DLG2: variants seen among roughly 807,000 people sequenced by gnomAD.
The protein encoded by DLG2 is discs large MAGUK scaffold protein 2, also known as disks large homolog 2.
A neutral mutation model predicts 132.5 loss-of-function variants in DLG2; 45 were observed. The observed-to-expected ratio is 0.34, with a 90% confidence interval of 0.27 to 0.44. The LOEUF is 0.44. Among genes scored for constraint, DLG2 ranks in the 20% least tolerant of loss-of-function variants. The pLI is 1.00. For synonymous variants in DLG2, 424 were observed against 419.6 expected, an observed-to-expected ratio of 1.01 and a Z score of -0.13; for missense variants, 1,045 against 1,196.9, an observed-to-expected ratio of 0.87 and a Z score of 1.87.
intron 6 of DLG2, among the ~76,000 whole-genome samples, chr11:85,044,089 G>T (rs1237097623): frequency 3.3e-5 from 5 of 151,908 alleles, no homozygotes; most frequent in African/African-American, 1.2e-4. Flanking sequence ...CCATGCACAT[G>T]CTGTTACTTT....
At chr11:85,526,076 G>C (rs1388966989) in intron 3 of DLG2, among the ~76,000 whole-genome samples, 1 of 152,130 alleles carries the variant, frequency 6.6e-6, no homozygotes, top group Non-Finnish European at 1.5e-5. Context: ...AATTCACTAG[G>C]CATTGGGTAG....
chr11:84,790,324 T>C (rs1003965082), intron 6 of DLG2, among the ~76,000 whole-genome samples: 3 of 152,200 alleles, frequency 2.0e-5, no homozygotes, highest in African/African-American at 7.2e-5. Context: ...GATTTGCATT[T>C]CTCTGATGAT....
At chr11:84,790,765 C>T (rs186337626) in intron 6 of DLG2, among the ~76,000 whole-genome samples, 72 of 152,266 alleles carry the variant, frequency 4.7e-4, no homozygotes, top group Admixed American at 3.2e-3. Flanking sequence ...TTTTTGTATA[C>T]GATGAGAGAC....
rs78712014 is a variant in DLG2, at chr11:85,083,985, G to T, written c.357+27676C>A. Among the ~76,000 whole-genome samples the T allele has an allele frequency of 2.4e-3, 372 of 152,194 alleles. 2 individuals are homozygous for T. The highest frequency in any genetic ancestry group is 0.015 in the South Asian group (74 of 4,824). On this transcript the variant is annotated intron_variant, in intron 6 of 27. Transcript: ENST00000376104. ...GGTCCATTCAGTTGGTTGGGAGGGG[G>T]CTTGGAGTTTTATTTTTGGTTGACA...
At chr11:84,692,166 C>T (rs180978876) in intron 6 of DLG2, among the ~76,000 whole-genome samples, 3 of 151,848 alleles carry the variant, frequency 2.0e-5, no homozygotes, top group African/African-American at 7.2e-5. Context: ...TGTGAGCCTA[C>T]TTAAAATTCC....
At chr11:84,703,948 C>A (rs922074896) in intron 6 of DLG2, among the ~76,000 whole-genome samples, 4 of 145,516 alleles carry the variant, frequency 2.7e-5, no homozygotes, top group Admixed American at 1.4e-4. Context: ...GTAATACATT[C>A]CCCAGAATAG....
chr11:84,118,601 T>C (rs979378433), intron 9 of DLG2, among the ~76,000 whole-genome samples: 6 of 152,210 alleles, frequency 3.9e-5, no homozygotes, highest in African/African-American at 1.2e-4. Context: ...GTAAATAAAC[T>C]GAATTAAAGT....
At chr11:84,201,032 A>G (rs1266412068) in intron 8 of DLG2, among the ~76,000 whole-genome samples, 3 of 152,154 alleles carry the variant, frequency 2.0e-5, no homozygotes, top group Non-Finnish European at 4.4e-5. Context: ...CCTGTTTTCA[A>G]TAGGAATGCT....
intron 3 of DLG2, among the ~76,000 whole-genome samples, chr11:85,376,183 T>G (rs1027959484): frequency 6.6e-6 from 1 of 152,038 alleles, no homozygotes; most frequent in Non-Finnish European, 1.5e-5. Flanking sequence ...CTCAAAGAAA[T>G]AGAAATTGTA....
intron 6 of DLG2, among the ~76,000 whole-genome samples, chr11:85,004,303 C>A (rs184180652): frequency 6.6e-6 from 1 of 152,204 alleles, no homozygotes; most frequent in African/African-American, 2.4e-5. Flanking sequence ...AAACTGCCTT[C>A]CACAACGGTT....
intron 3 of DLG2, among the ~76,000 whole-genome samples, chr11:85,455,938 T>C (rs910912388): frequency 2.0e-5 from 3 of 152,122 alleles, no homozygotes; most frequent in Non-Finnish European, 4.4e-5. Context: ...TTGTTGAGGA[T>C]TTTTGCATCT....
intron 11 of DLG2, among the ~76,000 whole-genome samples, chr11:84,046,364 T>TA (rs1372353509): frequency 6.6e-6 from 1 of 151,490 alleles, no homozygotes; most frequent in African/African-American, 2.4e-5. Context: ...ACATCAAAAT[T>TA]ATTATAATTA....
At chr11:83,872,595 T>C (rs191345532) in intron 16 of DLG2, among the ~76,000 whole-genome samples, 10 of 152,210 alleles carry the variant, frequency 6.6e-5, no homozygotes, top group African/African-American at 2.4e-4. Flanking sequence ...GAAGAAGAAA[T>C]GGTGATTATG....
At chr11:83,944,827 C>T (rs1041571102) in intron 14 of DLG2, among the ~76,000 whole-genome samples, 3 of 152,158 alleles carry the variant, frequency 2.0e-5, no homozygotes, top group Non-Finnish European at 2.9e-5. Flanking sequence ...TTGAGGTCAG[C>T]CCAGAATAAC....
intron 7 of DLG2, among the ~76,000 whole-genome samples, chr11:84,264,349 A>G (rs918643223): frequency 1.3e-5 from 2 of 152,150 alleles, no homozygotes; most frequent in Non-Finnish European, 2.9e-5. Flanking sequence ...TTGCTTTCTC[A>G]GTTTTCTGGT....
At chr11:84,509,758 T>C (rs946409095) in intron 7 of DLG2, among the ~76,000 whole-genome samples, 12 of 152,094 alleles carry the variant, frequency 7.9e-5, no homozygotes, top group Admixed American at 6.6e-5. Context: ...TGAAAGAGAA[T>C]TGGTAAATTA....
chr11:84,526,370 A>G (rs944291655), intron 7 of DLG2, among the ~76,000 whole-genome samples: 1 of 152,182 alleles, frequency 6.6e-6, no homozygotes, highest in African/African-American at 2.4e-5. Context: ...GAGTAAAATG[A>G]AAAGCAAAAC....
chr11:84,106,601 T>C (rs968483440), intron 9 of DLG2, among the ~76,000 whole-genome samples: 13 of 152,172 alleles, frequency 8.5e-5, no homozygotes, highest in Non-Finnish European at 1.6e-4. Context: ...TATTAAATTG[T>C]ATTTTTCTGG....
chr11:83,828,229 T>C (rs1480007754), intron 17 of DLG2, among the ~76,000 whole-genome samples: 2 of 152,186 alleles, frequency 1.3e-5, no homozygotes, highest in Admixed American at 6.5e-5. Flanking sequence ...CAGTCAATTA[T>C]GGGGATTATA....
Sources: allele counts gnomAD v4.1 joint callset (sites outside exome capture counted in the v4.1 genomes callset), GRCh38; gene constraint gnomAD v4.1.1; transcripts MANE v1.5; gene names NCBI Gene and HGNC (gene_info 2026-07-23, HGNC 2026-07-21).